Variants in RNGTT observed in about 807,000 individuals in gnomAD.
The protein encoded by RNGTT is RNA guanylyltransferase and 5'-phosphatase.
Under a neutral mutation model 79.3 loss-of-function variants are expected in RNGTT, and 33 were observed. The observed-to-expected ratio is 0.42, with a 90% CI of 0.32 to 0.56. The LOEUF (loss-of-function observed/expected upper bound fraction) is 0.56. RNGTT is among the 20% of genes least tolerant of loss of function. The pLI, the probability that RNGTT is intolerant of heterozygous loss-of-function variation, is 0.17. For missense variants in RNGTT, 497 were observed against 739.1 expected (o/e 0.67, Z 3.80); for synonymous variants, 222 against 235.9 (o/e 0.94, Z 0.54).
chr6:88,852,069 T>C (rs1781692982), intron 9 of RNGTT, among the ~76,000 whole-genome samples: 1 of 152,090 alleles, frequency 6.6e-6, no homozygotes, highest in South Asian at 2.1e-4. Flanking sequence ...ACAAAACATA[T>C]TTAGTTCCTA....
chr6:88,739,725 T>TTATATATATA lies in RNGTT; in HGVS notation c.1439+30039_1439+30048dup, dbSNP rs367967175. On this transcript the variant is annotated intron_variant, in intron 13 of 15. Transcript: ENST00000369485. ...TCCCGTGTAACTGGTGTGAAAAAAA[T>TTATATATATA]TATATATATATATATATATATATAT... Among the ~76,000 whole-genome samples the TTATATATATA allele has an allele frequency of 1.6e-3, 148 of 94,038 alleles. 3 individuals carry two copies. The highest frequency in any genetic ancestry group is 2.0e-3 in the Non-Finnish European group (99 of 49,686). 61.7% of individuals were successfully genotyped at this position (94,038 alleles called of 152,430 possible). A position where few individuals can be genotyped will look rare whatever the true frequency, so the allele number is the denominator to read the frequency against.
intron 14 of RNGTT, among the ~76,000 whole-genome samples, chr6:88,668,121 C>T (rs1265570807): frequency 6.6e-6 from 1 of 152,176 alleles, no homozygotes; most frequent in African/African-American, 2.4e-5. Flanking sequence ...TTATTCTCCC[C>T]AGTTTACCCT....
At chr6:88,859,133 C>T (rs574994478) in intron 8 of RNGTT, among the ~76,000 whole-genome samples, 21 of 151,872 alleles carry the variant, frequency 1.4e-4, no homozygotes, top group Non-Finnish European at 1.8e-4. Context: ...CTGGGATTAC[C>T]GGCATAAGTC....
chr6:88,670,667 C>G (rs890390241), intron 14 of RNGTT, among the ~76,000 whole-genome samples: 1 of 152,162 alleles, frequency 6.6e-6, no homozygotes, highest in African/African-American at 2.4e-5. Context: ...TCCATAGATT[C>G]CAGATATTGT....
chr6:88,920,085 G>C (rs957864843), intron 4 of RNGTT, among the ~76,000 whole-genome samples: 16 of 152,268 alleles, frequency 1.1e-4, no homozygotes, highest in Admixed American at 1.0e-3. Flanking sequence ...GGATGAAGTT[G>C]AAGTCCAGCC....
At chr6:88,839,441 C>T (rs1489331880) in intron 11 of RNGTT, among the ~76,000 whole-genome samples, 3 of 151,892 alleles carry the variant, frequency 2.0e-5, no homozygotes, top group Non-Finnish European at 4.4e-5. Context: ...ATGGTGGTTC[C>T]GGTCTATAGT....
At chr6:88,844,106 A>T (rs1781407215) in intron 11 of RNGTT, among the ~76,000 whole-genome samples, 1 of 152,094 alleles carries the variant, frequency 6.6e-6, no homozygotes, top group African/African-American at 2.4e-5. Flanking sequence ...TAGTATGACC[A>T]ATGACCATGA....
chr6:88,839,200 A>C (rs1169326900), intron 11 of RNGTT, among the ~76,000 whole-genome samples: 2 of 152,188 alleles, frequency 1.3e-5, no homozygotes, highest in Non-Finnish European at 2.9e-5. Context: ...CTGTGTACCT[A>C]TACTGGAGTG....
At chr6:88,885,071 T>G (rs970255843) in intron 8 of RNGTT, among the ~76,000 whole-genome samples, 7 of 151,942 alleles carry the variant, frequency 4.6e-5, no homozygotes, top group African/African-American at 1.7e-4. Flanking sequence ...TACACATACA[T>G]ACAGACAGAT....
chr6:88,636,897 C>T (rs1773120187), intron 14 of RNGTT, among the ~76,000 whole-genome samples: 1 of 151,604 alleles, frequency 6.6e-6, no homozygotes, highest in Non-Finnish European at 1.5e-5. Context: ...GGAAAGAATA[C>T]TACAAGAGAA....
At chr6:88,644,956 C>T (rs1157240111) in intron 14 of RNGTT, among the ~76,000 whole-genome samples, 2 of 152,026 alleles carry the variant, frequency 1.3e-5, no homozygotes, top group Non-Finnish European at 2.9e-5. Context: ...ACAGGGATGC[C>T]CTCTCTCACC....
intron 4 of RNGTT, among the ~76,000 whole-genome samples, chr6:88,912,900 C>T (rs1461136884): frequency 2.0e-5 from 3 of 151,988 alleles, no homozygotes; most frequent in Non-Finnish European, 4.4e-5. Context: ...TTATAAAAAA[C>T]CTACCAACCC....
rs371451714 is a variant in RNGTT, at chr6:88,832,651, T to C, written c.1269+11706A>G. ...TTATCATCAGAATGAAGAGGAAATC[T>C]AGAGAATGGAGAAAATTTTTACAAT... On this transcript the variant is annotated intron_variant, in intron 11 of 15. Transcript: ENST00000369485. 5.9e-5 allele frequency among the ~76,000 whole-genome samples: 9 copies of C among 152,226 alleles called. No individual in the cohort carries two copies. In the East Asian group the frequency reaches 1.2e-3, roughly 20 times the overall value.
At chr6:88,908,969 G>A (rs374925411) in intron 4 of RNGTT, among the ~76,000 whole-genome samples, 1 of 152,168 alleles carries the variant, frequency 6.6e-6, no homozygotes, top group East Asian at 1.9e-4. Context: ...GTGCAGGCCT[G>A]GTCCCACTTC....
chr6:88,834,854 T>C (rs1345982134), intron 11 of RNGTT, among the ~76,000 whole-genome samples: 1 of 75,114 alleles, frequency 1.3e-5, no homozygotes, highest in Admixed American at 1.1e-4. Flanking sequence ...CCAAATGAAA[T>C]ACATAAACAT....
At chr6:88,894,149 G>C (rs2127936382) in intron 6 of RNGTT, among the ~76,000 whole-genome samples, 1 of 152,208 alleles carries the variant, frequency 6.6e-6, no homozygotes, top group African/African-American at 2.4e-5. Flanking sequence ...AACAAGCTTT[G>C]CACGTGCTGA....
chr6:88,623,301 A>T (rs1182354389), intron 14 of RNGTT, among the ~76,000 whole-genome samples: 1 of 152,062 alleles, frequency 6.6e-6, no homozygotes, highest in Non-Finnish European at 1.5e-5. Flanking sequence ...CATAGATCTA[A>T]CTCATTTCCA....
intron 13 of RNGTT, among the ~76,000 whole-genome samples, chr6:88,711,484 A>G (rs1776316512): frequency 6.6e-6 from 1 of 152,234 alleles, no homozygotes; most frequent in Non-Finnish European, 1.5e-5. Context: ...AGTACTTTAC[A>G]GTTATATAGA....
At chr6:88,712,683 T>C (rs915180314) in intron 13 of RNGTT, among the ~76,000 whole-genome samples, 4 of 152,216 alleles carry the variant, frequency 2.6e-5, no homozygotes, top group Admixed American at 6.5e-5. Context: ...TAAACTTCTT[T>C]AGTATCACCT....
Sources: allele counts gnomAD v4.1 joint callset (sites outside exome capture counted in the v4.1 genomes callset), GRCh38; gene constraint gnomAD v4.1.1; transcripts MANE v1.5; gene names NCBI Gene and HGNC (gene_info 2026-07-23, HGNC 2026-07-21).